The following NECTIN3 variants were observed in gnomAD, a reference collection of about 807,000 sequenced individuals.
The protein encoded by NECTIN3 is nectin-3.
NECTIN3 carries 8 observed loss-of-function variants against 49.4 expected under a neutral mutation model. The observed-to-expected ratio is 0.16, with a 90% CI of 0.10 to 0.29. NECTIN3 has a LOEUF of 0.29. NECTIN3 is among the 10% of genes least tolerant of loss of function. The probability of loss-of-function intolerance (pLI) is 1.00; values close to 1 mark genes in which losing one functional copy is unlikely to be tolerated. For missense variants in NECTIN3, 581 were observed against 654.6 expected (o/e 0.89, Z 1.23); for synonymous variants, 277 against 241.1 (o/e 1.15, Z -1.38).
At chr3:111,143,187 T>C (rs905245599) in intron 5 of NECTIN3, among the ~76,000 whole-genome samples, 1 of 151,918 alleles carries the variant, frequency 6.6e-6, no homozygotes, top group Non-Finnish European at 1.5e-5. Flanking sequence ...AGAATGATAT[T>C]TGGCTGTACT....
chr3:111,158,690 AACAC>A (rs1203741073), intron 7 of NECTIN3, among the ~76,000 whole-genome samples: 6 of 151,878 alleles, frequency 4.0e-5, no homozygotes, highest in South Asian at 2.1e-4. Flanking sequence ...TTCACACACA[AACAC>A]ACACACACAA....
rs754502132 is a variant in NECTIN3 at position 111,126,139 on chromosome 3, T to C, written c.918-45T>C. Reference sequence around the variant, plus strand: ...CATTTTAACTAGCTGTCAATAAATATAGTCTGAAGATATTTAAAATAATTT... The same window carrying C: ...CATTTTAACTAGCTGTCAATAAATACAGTCTGAAGATATTTAAAATAATTT... On this transcript the variant is annotated intron_variant, in intron 4 of 5. Coordinates refer to ENST00000485303, the MANE Select transcript of NECTIN3 (RefSeq NM_015480.3). 4.4e-6 allele frequency: 6 copies of C among 1,355,976 alleles called. No homozygotes were observed. In the East Asian group the frequency reaches 8.2e-5, roughly 19 times the overall value. The allele number at this position is 1,355,976 out of a possible 1,614,324, so 84.0% of individuals were successfully genotyped here.
chr3:111,188,285 A>G (rs769265578), upstream of NECTIN3, among the ~76,000 whole-genome samples: 4 of 152,220 alleles, frequency 2.6e-5, no homozygotes, highest in African/African-American at 9.6e-5. Flanking sequence ...AATGCTTTCC[A>G]TAGCCCAGTT....
intron 6 of NECTIN3, among the ~76,000 whole-genome samples, chr3:111,145,684 C>T (rs911424923): frequency 6.6e-6 from 1 of 152,164 alleles, no homozygotes; most frequent in Non-Finnish European, 1.5e-5. Context: ...GAATAATGCT[C>T]TTCCTACTTA....
chr3:111,189,133 T>G (rs1429217013), upstream of NECTIN3, among the ~76,000 whole-genome samples: 3 of 152,190 alleles, frequency 2.0e-5, no homozygotes, highest in Admixed American at 1.3e-4. Context: ...TGCCCTCCAT[T>G]TGGTAGCTAC....
intron 1 of NECTIN3, 57 bp from the exon 2 acceptor site, chr3:111,111,973 G>C (rs1426500530): frequency 8.7e-7 from 1 of 1,143,418 alleles, no homozygotes; most frequent in Non-Finnish European, 1.3e-6. Context: ...GAAGGGAGGA[G>C]AGTGTTGACC....
chr3:111,135,075 CAG>C lies in NECTIN3; in HGVS notation c.*867_*868del, dbSNP rs58619122. 0.032 allele frequency: 31,764 copies of C among 980,418 alleles called. 569 individuals carry two copies. The highest frequency in any genetic ancestry group is 0.044 in the African/African-American group (2,521 of 57,022). 60.7% of individuals were successfully genotyped at this position (980,418 alleles called of 1,614,324 possible). A position where few individuals can be genotyped will look rare whatever the true frequency, so the allele number is the denominator to read the frequency against. The stretch of plus-strand genomic sequence containing the variant: ...ACATACTAATAGAAATGAAAAGACG[CAG>C]AGAGAGCATTTCGGAATACTGAAGT... On this transcript the variant is annotated 3_prime_UTR_variant, in exon 6 of 6. Coordinates refer to ENST00000485303, the MANE Select transcript of NECTIN3 (RefSeq NM_015480.3).
intron 3 of NECTIN3, among the ~76,000 whole-genome samples, chr3:111,120,459 G>T (rs1328210388): frequency 6.6e-6 from 1 of 151,964 alleles, no homozygotes; most frequent in Non-Finnish European, 1.5e-5. Flanking sequence ...ATATCCTCTT[G>T]GGATACTTTT....
In NECTIN3 at chr3:111,133,661, C is replaced by T; in HGVS notation, c.1096C>T (p.Pro366Ser). ...TCCTCCTACTACTACCACCCTTCAG[C>T]CTACAATTCAGTGGCATCCCTCAAC... The part of the protein sequence containing the change: ...SDPPTTTTLQ[P>S]TIQWHPSTAD... Residue 366 changes from proline to serine, a missense_variant, in exon 6 of 6, where the codon CCT becomes TCT. Physicochemically the swap from Pro to Ser is moderately conservative, Grantham distance 74. This residue lies in a region of NECTIN3 where 238 missense variants were observed against 244.9 expected (regional missense o/e 0.97). Coordinates refer to ENST00000485303, the MANE Select transcript of NECTIN3 (RefSeq NM_015480.3). 6.2e-7 allele frequency: 1 copy of T among 1,613,596 alleles called. No homozygotes were observed. Among genetic ancestry groups the T allele is most frequent in the Non-Finnish European group, 8.5e-7 (1 of 1,179,700 alleles).
intron 1 of NECTIN3, among the ~76,000 whole-genome samples, chr3:111,079,304 CTG>C (rs745996677): frequency 1.1e-4 from 17 of 151,864 alleles, no homozygotes; most frequent in African/African-American, 1.9e-4. Flanking sequence ...TATTTTGAAA[CTG>C]TGCATTGTTT....
rs566064104 is a variant in NECTIN3 at position 111,080,708 on chromosome 3, G to A, written c.160+8531G>A. 3.5e-4 allele frequency among the ~76,000 whole-genome samples: 52 copies of A among 148,246 alleles called. 1 individual carries two copies. In the South Asian group the frequency reaches 0.011, roughly 31 times the overall value. On this transcript the variant is annotated intron_variant, in intron 1 of 5. Transcript: ENST00000485303. ...AAAAAAAAAAAGGACTTAGAGATTTGAACAAGGGATAAATTGGGGACTATT... is the reference window on the plus strand; with the variant it reads ...AAAAAAAAAAAGGACTTAGAGATTTAAACAAGGGATAAATTGGGGACTATT...
chr3:111,072,566 G>A lies in NECTIN3; in HGVS notation c.160+389G>A, dbSNP rs1207645497. On this transcript the variant is annotated intron_variant, in intron 1 of 5. Coordinates refer to ENST00000485303, the MANE Select transcript of NECTIN3 (RefSeq NM_015480.3). ...CGCTTTTTTTCCCGGTGAAACTTGA[G>A]CTGTGAGCCCAGAAACCCTAGGGAC... The A allele has an allele frequency of 3.6e-5, 55 of 1,535,548 alleles. No individual in the cohort carries two copies. In the Middle Eastern group the frequency reaches 5.0e-4, roughly 14 times the overall value.
At chr3:111,145,934 TG>T (rs1408461032) in intron 6 of NECTIN3, among the ~76,000 whole-genome samples, 4 of 152,212 alleles carry the variant, frequency 2.6e-5, no homozygotes, top group African/African-American at 9.6e-5. Flanking sequence ...GTTACAGCTC[TG>T]TCATGATCAA....
chr3:111,085,971 T>G (rs2031899132), intron 1 of NECTIN3, among the ~76,000 whole-genome samples: 1 of 152,326 alleles, frequency 6.6e-6, no homozygotes. Flanking sequence ...TTCTCACTAG[T>G]CCTTTGTAAT....
At position 111,145,077 on chromosome 3, in the gene NECTIN3, G is replaced by GT. The variant is rs750410123; in HGVS notation, c.1139+41dup. The GT allele has an allele frequency of 7.5e-5, 112 of 1,501,466 alleles. 2 individuals are homozygous for GT. In the African/African-American group the frequency reaches 1.4e-3, roughly 19 times the overall value. The allele number at this position is 1,501,466 out of a possible 1,614,324, so 93.0% of individuals were successfully genotyped here. On this transcript the variant is annotated intron_variant, in intron 6 of 8. Transcript: ENST00000493615. ...TGCCTTTGTTCAACTATGAATATCA[G>GT]TATGTGTCCAATCTTTATGTTTACC...
At chr3:111,114,843 G>T (rs539602817) in intron 2 of NECTIN3, among the ~76,000 whole-genome samples, 2 of 152,098 alleles carry the variant, frequency 1.3e-5, no homozygotes, top group Admixed American at 1.3e-4. Flanking sequence ...TAGAGTATTT[G>T]TAGGATGTGA....
Position 111,112,213 on chromosome 3 carries a change from G to C in NECTIN3, c.344G>C (p.Gly115Ala), listed in dbSNP as rs1175952960. 6.2e-7 allele frequency: 1 copy of C among 1,613,776 alleles called. No individual in the cohort carries two copies. The highest frequency in any genetic ancestry group is 8.5e-7 in the Non-Finnish European group (1 of 1,179,922). Reference protein sequence around the residue: ...HHPQYGFSVQGEYQGRVLFKN... With the variant: ...HHPQYGFSVQAEYQGRVLFKN... ...CCCCAATATGGATTCTCTGTTCAAG[G>C]AGAATATCAGGGAAGAGTCTTGTTT... is the stretch of plus-strand genomic sequence containing the variant. The change falls in exon 2 of 6, where the codon GGA becomes GCA. Residue 115 changes from glycine (G) to alanine (A), a missense_variant. Gly to Ala is a moderately conservative substitution (Grantham distance 60). This residue lies in a region of NECTIN3 where 234 missense variants were observed against 340.6 expected (regional missense o/e 0.69). Coordinates refer to ENST00000485303, the MANE Select transcript of NECTIN3 (RefSeq NM_015480.3).
Position 111,136,320 on chromosome 3 carries a change from C to T in NECTIN3, c.*2105C>T. Reference sequence around the variant, plus strand: ...AATATAAATACTGATTATGAACTTCCTTTTACATTGTGGTTATTTGTGCGA... The same window carrying T: ...AATATAAATACTGATTATGAACTTCTTTTTACATTGTGGTTATTTGTGCGA... On this transcript the variant is annotated 3_prime_UTR_variant, in exon 6 of 6. Coordinates refer to ENST00000485303, the MANE Select transcript of NECTIN3 (RefSeq NM_015480.3). The T allele has an allele frequency of 1.0e-6, 1 of 983,428 alleles. No individual in the cohort carries two copies. Among genetic ancestry groups the T allele is most frequent in the Non-Finnish European group, 1.2e-6 (1 of 828,434 alleles). 60.9% of individuals were successfully genotyped at this position (983,428 alleles called of 1,614,324 possible).
At chr3:111,171,821 A>G (rs545040315) in intron 7 of NECTIN3, among the ~76,000 whole-genome samples, 36 of 152,132 alleles carry the variant, frequency 2.4e-4, no homozygotes, top group Admixed American at 1.2e-3. Flanking sequence ...CGAACAATTC[A>G]CTTCATTATC....
Sources: gnomAD v4.1 joint callset for allele counts (sites outside exome capture counted in the v4.1 genomes callset) on GRCh38, gnomAD v4.1.1 for gene constraint, gnomAD v4.1.1 regional missense constraint, MANE v1.5 for transcripts, NCBI Gene and HGNC (gene_info 2026-07-23, HGNC 2026-07-21) for gene names.